Variants in SLC9A9 observed in about 807,000 individuals in gnomAD.
SLC9A9 encodes the protein sodium/hydrogen exchanger 9.
Under a neutral mutation model 77.8 loss-of-function variants are expected in SLC9A9, and 62 were observed. The ratio of observed to expected loss-of-function variants is 0.80; its 90% CI spans 0.65 to 0.98. The LOEUF (loss-of-function observed/expected upper bound fraction) is 0.98, where lower values mean the gene tolerates loss of function less well. Ranked by LOEUF, SLC9A9 falls within the 50% of genes least tolerant of loss-of-function variation. SLC9A9 has a pLI of 0.00. For synonymous variants in SLC9A9, 320 were observed against 283.5 expected (o/e 1.13, Z -1.29); for missense variants, 775 against 774.9 (o/e 1.00, Z 0.00).
intron 4 of SLC9A9, among the ~76,000 whole-genome samples, chr3:143,726,962 G>A (rs1934669940): frequency 6.6e-6 from 1 of 152,000 alleles, no homozygotes; most frequent in African/African-American, 2.4e-5. Flanking sequence ...ATCACTGGAG[G>A]ATTGAGATGA....
At chr3:143,534,901 A>G (rs1401449079) in intron 9 of SLC9A9, among the ~76,000 whole-genome samples, 1 of 152,158 alleles carries the variant, frequency 6.6e-6, no homozygotes, top group African/African-American at 2.4e-5. Flanking sequence ...AAACCTTAAA[A>G]ACAGTCACTT....
At chr3:143,702,334 C>A (rs1020040039) in intron 4 of SLC9A9, among the ~76,000 whole-genome samples, 2 of 151,878 alleles carry the variant, frequency 1.3e-5, no homozygotes, top group African/African-American at 2.4e-5. Context: ...AATGATGAAC[C>A]AATCAAAAAT....
chr3:143,764,612 G>C (rs565540181), intron 4 of SLC9A9, among the ~76,000 whole-genome samples: 46 of 152,250 alleles, frequency 3.0e-4, no homozygotes, highest in African/African-American at 1.0e-3. Flanking sequence ...TGTTGCCCAG[G>C]CTACAGTGCA....
intron 12 of SLC9A9, among the ~76,000 whole-genome samples, chr3:143,441,978 C>A (rs1443576450): frequency 6.6e-5 from 10 of 151,850 alleles, no homozygotes; most frequent in Non-Finnish European, 1.5e-4. Context: ...CACCTGACCA[C>A]CCATACCCTT....
chr3:143,517,571 A>C, intron 9 of SLC9A9: 1 of 1,597,578 alleles, frequency 6.3e-7, no homozygotes, highest in Non-Finnish European at 8.5e-7. Context: ...TTCTTTCAGC[A>C]TTGCACTAGC....
At chr3:143,370,168 G>T (rs1311214004) in intron 13 of SLC9A9, among the ~76,000 whole-genome samples, 1 of 152,106 alleles carries the variant, frequency 6.6e-6, no homozygotes, top group Non-Finnish European at 1.5e-5. Flanking sequence ...TGCAGCAATA[G>T]AAAATTAATA....
At chr3:143,649,299 A>G (rs947837649) in intron 6 of SLC9A9, among the ~76,000 whole-genome samples, 7 of 152,246 alleles carry the variant, frequency 4.6e-5, no homozygotes, top group African/African-American at 1.7e-4. Context: ...GGCAGTATGC[A>G]TACATGTTTG....
At chr3:143,372,868 T>C (rs2033088939) in intron 13 of SLC9A9, among the ~76,000 whole-genome samples, 1 of 152,288 alleles carries the variant, frequency 6.6e-6, no homozygotes, top group African/African-American at 2.4e-5. Context: ...TCAACATTAC[T>C]ATTCATCAGG....
intron 6 of SLC9A9, among the ~76,000 whole-genome samples, chr3:143,637,353 TA>T (rs2038540471): frequency 2.0e-5 from 3 of 152,212 alleles, no homozygotes; most frequent in Non-Finnish European, 4.4e-5. Context: ...TTGAAAGCTT[TA>T]ACAATAGATT....
At chr3:143,436,374 A>T (rs1171063873) in intron 12 of SLC9A9, among the ~76,000 whole-genome samples, 2 of 152,214 alleles carry the variant, frequency 1.3e-5, no homozygotes, top group African/African-American at 4.8e-5. Flanking sequence ...TAGCACTAGG[A>T]GGCCCTGTTG....
At chr3:143,370,564 C>CGT (rs1400661486) in intron 13 of SLC9A9, among the ~76,000 whole-genome samples, 6 of 118,766 alleles carry the variant, frequency 5.1e-5, no homozygotes, top group Non-Finnish European at 8.4e-5. Flanking sequence ...TATGCATGTG[C>CGT]GCGCACACAC....
At chr3:143,539,220 C>A (rs1481788141) in intron 9 of SLC9A9, among the ~76,000 whole-genome samples, 1 of 152,164 alleles carries the variant, frequency 6.6e-6, no homozygotes, top group Admixed American at 6.5e-5. Context: ...TATTAAGTGA[C>A]TCTCCTAAAA....
At chr3:143,428,999 G>A (rs1053531172) in intron 12 of SLC9A9, among the ~76,000 whole-genome samples, 15 of 152,098 alleles carry the variant, frequency 9.9e-5, no homozygotes, top group Admixed American at 2.6e-4. Context: ...TACACAGTAG[G>A]GTGACTACAG....
At chr3:143,448,138 G>T (rs977643100) in intron 12 of SLC9A9, among the ~76,000 whole-genome samples, 3 of 152,156 alleles carry the variant, frequency 2.0e-5, no homozygotes, top group Admixed American at 6.6e-5. Context: ...AGACAGCCTG[G>T]AAACTAAGTG....
intron 14 of SLC9A9, among the ~76,000 whole-genome samples, chr3:143,274,875 A>G (rs941404597): frequency 2.0e-5 from 3 of 152,240 alleles, no homozygotes; most frequent in African/African-American, 7.2e-5. Flanking sequence ...CTCCTGCAGT[A>G]TAACTATAGA....
At chr3:143,280,225 G>A (rs1023300945) in intron 14 of SLC9A9, among the ~76,000 whole-genome samples, 14 of 152,090 alleles carry the variant, frequency 9.2e-5, no homozygotes, top group Non-Finnish European at 1.0e-4. Flanking sequence ...TAGCAAATTC[G>A]TTAGAATGCA....
At chr3:143,437,226 C>T (rs2034636610) in intron 12 of SLC9A9, among the ~76,000 whole-genome samples, 1 of 152,220 alleles carries the variant, frequency 6.6e-6, no homozygotes. Flanking sequence ...GACACTGAAG[C>T]TTCCAGAAGT....
intron 12 of SLC9A9, among the ~76,000 whole-genome samples, chr3:143,401,516 G>T (rs1447659618): frequency 1.3e-5 from 2 of 152,138 alleles, no homozygotes; most frequent in Admixed American, 6.6e-5. Flanking sequence ...CAGTAAAAAG[G>T]TTTCACTTAA....
chr3:143,266,801 G>T lies in SLC9A9; in HGVS notation c.1839C>A (p.Pro613=). ...AAATGTTTTCCTTGCCTGGCGTCTG[G>T]GGTGAAGCTTTCTGGTCCAGACCTA... ...ARLGLDQKAS[P]QTPGKENIYE... Residue 613 remains proline, a synonymous_variant, in exon 16 of 16, where the codon CCC becomes CCA. Coordinates refer to ENST00000316549, the MANE Select transcript of SLC9A9 (RefSeq NM_173653.4). 6.2e-7 allele frequency: 1 copy of T among 1,614,142 alleles called. No homozygotes were observed. The highest frequency in any genetic ancestry group is 8.5e-7 in the Non-Finnish European group (1 of 1,180,028).
Sources: gnomAD v4.1 joint callset for allele counts (sites outside exome capture counted in the v4.1 genomes callset) on GRCh38, gnomAD v4.1.1 for gene constraint, MANE v1.5 for transcripts, NCBI Gene and HGNC (gene_info 2026-07-23, HGNC 2026-07-21) for gene names.